ERICH1: variants seen among roughly 807,000 people sequenced by gnomAD.
ERICH1 encodes glutamate rich 1.
Under a neutral mutation model 39.6 loss-of-function variants are expected in ERICH1, and 56 were observed. The observed-to-expected ratio is 1.41, with a 90% CI of 1.14 to 1.77. The LOEUF is 1.77. Ranked by LOEUF, ERICH1 falls within the 40% of genes most tolerant of loss-of-function variation. ERICH1 has a pLI of 0.00. For missense variants in ERICH1, 826 were observed against 575.4 expected (o/e 1.44, Z -4.45); for synonymous variants, 313 against 223.6 (o/e 1.40, Z -3.57).
rs565637755 is a variant in ERICH1, at chr8:701,230, C to T, written c.170-8618G>A. On this transcript the variant is annotated intron_variant, in intron 2 of 5. Coordinates refer to ENST00000262109, the MANE Select transcript of ERICH1 (RefSeq NM_207332.3). Reference sequence around the variant, plus strand: ...TCTACCCTGCTGGACGGGAGCACGCCGTACCCACGGGTCTACCCTGCTGGA... The same window carrying T: ...TCTACCCTGCTGGACGGGAGCACGCTGTACCCACGGGTCTACCCTGCTGGA... 4.6e-5 allele frequency among the ~76,000 whole-genome samples: 7 copies of T among 152,170 alleles called. No homozygotes were observed. The South Asian group carries it at 8.3e-4, about 18-fold the overall frequency.
intron 3 of ERICH1, among the ~76,000 whole-genome samples, chr8:654,277 G>A (rs1174671793): frequency 6.6e-6 from 1 of 152,152 alleles, no homozygotes; most frequent in East Asian, 1.9e-4. Context: ...ACAAATAAAG[G>A]AATAGCTAAG....
chr8:716,078 G>T, intron 1 of ERICH1, 71 bp from the exon 2 acceptor site: 2 of 1,511,264 alleles, frequency 1.3e-6, no homozygotes, highest in Non-Finnish European at 1.8e-6. Context: ...AATCACACGT[G>T]ACTTTTACTC....
At chr8:689,311 A>C (rs1261127110) in intron 3 of ERICH1, among the ~76,000 whole-genome samples, 5 of 152,200 alleles carry the variant, frequency 3.3e-5, no homozygotes, top group African/African-American at 1.2e-4. Flanking sequence ...GGGTTTCGCC[A>C]TGTTGGCCAG....
At position 720,022 on chromosome 8, in the gene ERICH1, C is replaced by T. The variant is rs542388450; in HGVS notation, c.23-4015G>A. Among the ~76,000 whole-genome samples the T allele has an allele frequency of 2.6e-5, 4 of 152,222 alleles. No homozygotes were observed. In the East Asian group the frequency reaches 7.8e-4, roughly 30 times the overall value. ...CCTAGGCCTGGAACCAGCCCCTTCTCCAAGAAGACCAACATTTAGAAAGCA... is the reference window on the plus strand; with the variant it reads ...CCTAGGCCTGGAACCAGCCCCTTCTTCAAGAAGACCAACATTTAGAAAGCA... On this transcript the variant is annotated intron_variant, in intron 1 of 5. Transcript: ENST00000262109.
In ERICH1 at chr8:688,251, G is replaced by A. The variant is rs1244059882; in HGVS notation, c.304+4227C>T. On this transcript the variant is annotated intron_variant, in intron 3 of 5. Transcript: ENST00000262109. ...GACGTTCTCGCAGAAAAGGTAAAGC[G>A]GCACCCCGCCCCCAGTTCCGCCCGT... Among the ~76,000 whole-genome samples the A allele has an allele frequency of 7.5e-5, 5 of 66,274 alleles. No homozygotes were observed. The East Asian group carries it at 2.0e-3, about 26-fold the overall frequency. 43.5% of individuals were successfully genotyped at this position (66,274 alleles called of 152,430 possible). A position where few individuals can be genotyped will look rare whatever the true frequency, so the allele number is the denominator to read the frequency against.
chr8:699,757 ACT>A (rs1205576007), intron 2 of ERICH1, among the ~76,000 whole-genome samples: 2 of 142,856 alleles, frequency 1.4e-5, no homozygotes, highest in Non-Finnish European at 3.0e-5. Flanking sequence ...ACACGTGCAC[ACT>A]CACACAGCCG....
chr8:718,936 T>C (rs866500455), intron 1 of ERICH1, among the ~76,000 whole-genome samples: 1 of 151,940 alleles, frequency 6.6e-6, no homozygotes, highest in Non-Finnish European at 1.5e-5. Context: ...CCCTGGTGTG[T>C]TGTGCATTGT....
At chr8:664,787 T>C (rs1801940737) in intron 5 of ERICH1, 111 bp from the exon 6 acceptor site, 2 of 773,626 alleles carry the variant, frequency 2.6e-6, no homozygotes, top group African/African-American at 1.7e-5. Flanking sequence ...TCCCAAATAA[T>C]CTAATAAAAT....
chr8:695,735 G>A (rs1184042525), intron 2 of ERICH1, among the ~76,000 whole-genome samples: 15 of 107,668 alleles, frequency 1.4e-4, no homozygotes, highest in African/African-American at 1.5e-4. Context: ...CTCCCCATCA[G>A]CCTGCGCCTG....
At chr8:677,963 A>AG (rs1204157655) in intron 3 of ERICH1, among the ~76,000 whole-genome samples, 6 of 152,104 alleles carry the variant, frequency 3.9e-5, no homozygotes, top group Admixed American at 2.0e-4. Flanking sequence ...TCCCCTCCTA[A>AG]GACTACAAGA....
chr8:721,285 C>A (rs1817251529), intron 1 of ERICH1, among the ~76,000 whole-genome samples: 1 of 152,122 alleles, frequency 6.6e-6, no homozygotes, highest in Admixed American at 6.5e-5. Context: ...TTTTTAAAAT[C>A]AGTTTTTAAA....
intron 3 of ERICH1, among the ~76,000 whole-genome samples, chr8:687,334 C>T (rs1807654036): frequency 1.3e-5 from 2 of 152,226 alleles, no homozygotes; most frequent in South Asian, 4.1e-4. Flanking sequence ...AATCATTCAA[C>T]GCAGTTCACC....
chr8:679,100 C>T (rs1201776735), intron 3 of ERICH1, among the ~76,000 whole-genome samples: 1 of 150,180 alleles, frequency 6.7e-6, no homozygotes, highest in African/African-American at 2.5e-5. Flanking sequence ...CTCACAGCTC[C>T]GACTCCTCAC....
intron 3 of ERICH1, among the ~76,000 whole-genome samples, chr8:623,293 T>C (rs1376176385): frequency 6.6e-6 from 1 of 152,298 alleles, no homozygotes; most frequent in East Asian, 1.9e-4. Context: ...AAAAACCATG[T>C]GGCTTCCCAA....
At chr8:716,545 G>A (rs749282859) in intron 1 of ERICH1, among the ~76,000 whole-genome samples, 4 of 152,268 alleles carry the variant, frequency 2.6e-5, no homozygotes, top group African/African-American at 4.8e-5. Context: ...TGCGAATGGG[G>A]AGAATTCCGT....
At chr8:702,834 G>C (rs943200375) in intron 2 of ERICH1, among the ~76,000 whole-genome samples, 1 of 152,228 alleles carries the variant, frequency 6.6e-6, no homozygotes, top group Non-Finnish European at 1.5e-5. Context: ...AGGCAGGAGC[G>C]AGAGCTGGAT....
At chr8:722,757 G>A (rs958998662) in intron 1 of ERICH1, among the ~76,000 whole-genome samples, 1 of 152,208 alleles carries the variant, frequency 6.6e-6, no homozygotes, top group African/African-American at 2.4e-5. Flanking sequence ...GACTTTCAGA[G>A]AAAATACGTG....
In ERICH1 at chr8:639,670, A is replaced by C. The variant is rs554697214; in HGVS notation, c.977-24386T>G. ...CACCCTGGATTCACAGGCAGCCACC[A>C]ATCCAGTTAGCAGACACGACCAAGC... On this transcript the variant is annotated intron_variant, in intron 3 of 3. Transcript: ENST00000522706. Among the ~76,000 whole-genome samples the C allele has an allele frequency of 1.4e-4, 19 of 139,172 alleles. 1 individual carries two copies. Among genetic ancestry groups the C allele is most frequent in the African/African-American group, 4.9e-4 (18 of 36,430 alleles). The allele number at this position is 139,172 out of a possible 152,430, so 91.3% of individuals were successfully genotyped here.
At chr8:700,558 A>G (rs1423661798) in intron 2 of ERICH1, among the ~76,000 whole-genome samples, 5 of 125,792 alleles carry the variant, frequency 4.0e-5, no homozygotes, top group African/African-American at 1.3e-4. Context: ...ACACGCGCAC[A>G]GGCCCGCACA....
Sources: allele counts gnomAD v4.1 joint callset (sites outside exome capture counted in the v4.1 genomes callset), GRCh38; gene constraint gnomAD v4.1.1; transcripts MANE v1.5; gene names NCBI Gene and HGNC (gene_info 2026-07-23, HGNC 2026-07-21).